Variants in ROBO2 observed in about 807,000 individuals in gnomAD.
ROBO2 encodes roundabout guidance receptor 2.
Under a neutral mutation model 160.8 loss-of-function variants are expected in ROBO2, and 53 were observed. That is an observed-to-expected ratio of 0.33 (90% CI 0.26 to 0.41). The LOEUF is 0.41. ROBO2 is among the 10% of genes least tolerant of loss of function. The pLI, the probability that ROBO2 is intolerant of heterozygous loss-of-function variation, is 1.00. For missense variants in ROBO2, 1,577 were observed against 1,722.4 expected, an observed-to-expected ratio of 0.92 and a Z score of 1.49; for synonymous variants, 664 against 611.7, an observed-to-expected ratio of 1.09 and a Z score of -1.26.
In ROBO2 at chr3:76,132,520, C is replaced by T. The variant is rs78655420; in HGVS notation, c.109+194918C>T. Among the ~76,000 whole-genome samples, 40 of 152,076 alleles carry T rather than the reference C, an allele frequency of 2.6e-4. No homozygotes were observed. In the East Asian group the frequency reaches 7.4e-3, roughly 28 times the overall value. On this transcript the variant is annotated intron_variant, in intron 2 of 26. Transcript: ENST00000487694. ...TCACAAAACTCAAGTTCCCGGATGCCACCGAGGACTAACCTTGCAAGCAGG... is the reference window on the plus strand; with the variant it reads ...TCACAAAACTCAAGTTCCCGGATGCTACCGAGGACTAACCTTGCAAGCAGG...
intron 2 of ROBO2, among the ~76,000 whole-genome samples, chr3:76,385,849 G>A (rs1448710533): frequency 6.6e-6 from 1 of 152,124 alleles, no homozygotes; most frequent in Non-Finnish European, 1.5e-5. Flanking sequence ...CTTCTGCAAT[G>A]TGACTATTCA....
At chr3:76,393,035 A>T (rs1038126935) in intron 2 of ROBO2, among the ~76,000 whole-genome samples, 1 of 152,206 alleles carries the variant, frequency 6.6e-6, no homozygotes, top group Non-Finnish European at 1.5e-5. Context: ...CCCCTTGCTG[A>T]TAACTTAAAT....
chr3:76,583,242 G>T (rs997636098), intron 2 of ROBO2, among the ~76,000 whole-genome samples: 2 of 152,164 alleles, frequency 1.3e-5, no homozygotes, highest in Admixed American at 6.5e-5. Flanking sequence ...GCTTGTCTCA[G>T]CATCTGACTC....
intron 2 of ROBO2, among the ~76,000 whole-genome samples, chr3:77,154,823 C>T (rs767840845): frequency 2.6e-5 from 4 of 151,840 alleles, no homozygotes; most frequent in African/African-American, 9.7e-5. Flanking sequence ...ACTGGGTACT[C>T]AGGTACATAA....
chr3:76,195,797 A>G (rs1374220747), intron 2 of ROBO2, among the ~76,000 whole-genome samples: 1 of 152,180 alleles, frequency 6.6e-6, no homozygotes. Context: ...TAAGATAATT[A>G]TTCTTAGGCA....
chr3:77,308,056 C>T (rs1560498717), intron 2 of ROBO2, among the ~76,000 whole-genome samples: 1 of 147,622 alleles, frequency 6.8e-6, no homozygotes, highest in Non-Finnish European at 1.5e-5. Context: ...AAAATATTGA[C>T]AATATATGAG....
chr3:77,443,219 A>G (rs953250921), intron 2 of ROBO2, among the ~76,000 whole-genome samples: 3 of 152,212 alleles, frequency 2.0e-5, no homozygotes, highest in Admixed American at 1.3e-4. Context: ...AACTGTTTAT[A>G]GAACCATTTT....
At chr3:76,547,233 T>C (rs1284051546) in intron 2 of ROBO2, among the ~76,000 whole-genome samples, 1 of 152,064 alleles carries the variant, frequency 6.6e-6, no homozygotes, top group Admixed American at 6.6e-5. Flanking sequence ...TAAATGGTCT[T>C]CCTCTTTCAC....
At chr3:76,610,159 T>C (rs1012626167) in intron 2 of ROBO2, among the ~76,000 whole-genome samples, 4 of 152,358 alleles carry the variant, frequency 2.6e-5, no homozygotes, top group Non-Finnish European at 5.9e-5. Context: ...TATTGGTCTA[T>C]AGTTTCACTG....
At chr3:77,088,306 C>T (rs2069633781) in intron 1 of ROBO2, among the ~76,000 whole-genome samples, 1 of 152,004 alleles carries the variant, frequency 6.6e-6, no homozygotes, top group South Asian at 2.1e-4. Flanking sequence ...ACTCATTCAC[C>T]CTAATTAAGG....
intron 2 of ROBO2, among the ~76,000 whole-genome samples, chr3:76,829,867 C>T (rs1334923717): frequency 6.6e-6 from 1 of 152,074 alleles, no homozygotes; most frequent in African/African-American, 2.4e-5. Flanking sequence ...GGGGTTTCAC[C>T]ATGTTGACCA....
chr3:77,143,740 A>G (rs1276434263), intron 2 of ROBO2, among the ~76,000 whole-genome samples: 1 of 152,104 alleles, frequency 6.6e-6, no homozygotes, highest in Non-Finnish European at 1.5e-5. Flanking sequence ...TATTTTTGCT[A>G]AATTTTTTGA....
intron 2 of ROBO2, among the ~76,000 whole-genome samples, chr3:77,011,846 T>C (rs60003449): frequency 0.035 from 5,336 of 152,138 alleles, 307 homozygotes; most frequent in African/African-American, 0.12. Context: ...ATGCAAAAGA[T>C]TTTTCATCCA....
upstream of ROBO2, among the ~76,000 whole-genome samples, chr3:77,036,457 G>T (rs1250198515): frequency 6.6e-6 from 1 of 151,872 alleles, no homozygotes; most frequent in Non-Finnish European, 1.5e-5. Context: ...TATGAAAAAA[G>T]AAATATTTAA....
intron 2 of ROBO2, among the ~76,000 whole-genome samples, chr3:77,401,289 AT>A (rs2075776761): frequency 6.7e-6 from 1 of 149,614 alleles, no homozygotes; most frequent in Non-Finnish European, 1.5e-5. Context: ...CAAAGAGGGG[AT>A]TTCAATCCTT....
At position 76,326,567 on chromosome 3, in the gene ROBO2, C is replaced by T. The variant is rs371004568; in HGVS notation, c.109+388965C>T. Among the ~76,000 whole-genome samples, 7 of 151,844 alleles carry T rather than the reference C, an allele frequency of 4.6e-5. No homozygotes were observed. The East Asian group carries it at 9.7e-4, about 21-fold the overall frequency. ...ATATTATATTGCATAATGCATATAC[C>T]GAATGAAAAATTTATTCATATGCAG... On this transcript the variant is annotated intron_variant, in intron 2 of 26. Transcript: ENST00000487694.
chr3:76,131,160 A>C (rs1313031804), intron 2 of ROBO2, among the ~76,000 whole-genome samples: 2 of 152,186 alleles, frequency 1.3e-5, no homozygotes, highest in Non-Finnish European at 2.9e-5. Context: ...AGTTTTCACT[A>C]TTCCTTTTAC....
chr3:77,410,929 G>T (rs139085533), intron 2 of ROBO2, among the ~76,000 whole-genome samples: 1 of 151,554 alleles, frequency 6.6e-6, no homozygotes, highest in East Asian at 2.0e-4. Flanking sequence ...TCAACCTCCC[G>T]AGTAGCTGGG....
chr3:77,482,572 A>C (rs2084836894), intron 4 of ROBO2, among the ~76,000 whole-genome samples: 1 of 152,188 alleles, frequency 6.6e-6, no homozygotes, highest in Non-Finnish European at 1.5e-5. Flanking sequence ...AAATCCCATA[A>C]TTTGTTAAAG....
Sources: allele counts gnomAD v4.1 joint callset (sites outside exome capture counted in the v4.1 genomes callset), GRCh38; gene constraint gnomAD v4.1.1; transcripts MANE v1.5; gene names NCBI Gene and HGNC (gene_info 2026-07-23, HGNC 2026-07-21).